TMTC2: variants seen among roughly 807,000 people sequenced by gnomAD.
TMTC2 encodes the protein protein O-mannosyl-transferase TMTC2.
TMTC2 carries 43 observed loss-of-function variants against 82.4 expected under a neutral mutation model. The ratio of observed to expected loss-of-function variants is 0.52; its 90% CI spans 0.41 to 0.67. The LOEUF (loss-of-function observed/expected upper bound fraction) is 0.67, where lower values mean the gene tolerates loss of function less well. Among genes scored for constraint, TMTC2 ranks in the 30% least tolerant of loss-of-function variants. The pLI is 0.00. For missense variants in TMTC2, 919 were observed against 1,012.4 expected (o/e 0.91, Z 1.25); for synonymous variants, 408 against 381.9 (o/e 1.07, Z -0.80).
At chr12:82,759,037 AAG>A (rs1212238924) in intron 1 of TMTC2, 3 of 152,200 alleles carry the variant, frequency 2.0e-5, no homozygotes, top group Admixed American at 6.5e-5. Context: ...GTTAAAAAAA[AAG>A]AGATGACAGT....
At position 82,705,367 on chromosome 12, in the gene TMTC2, T is replaced by C. The variant is rs533516302; in HGVS notation, c.83+17698T>C. Among the ~76,000 whole-genome samples, 8 of 152,324 alleles carry C rather than the reference T, an allele frequency of 5.3e-5. No homozygotes were observed. In the East Asian group the frequency reaches 1.5e-3, roughly 29 times the overall value. On this transcript the variant is annotated intron_variant, in intron 1 of 11. Transcript: ENST00000321196. ...ATTCAAAAAAAGAAAATTGTCCTTA[T>C]ATACATGTCAGACAAAAGATTTAAT...
At chr12:83,064,872 C>A (rs1882863641) in intron 11 of TMTC2, among the ~76,000 whole-genome samples, 1 of 151,886 alleles carries the variant, frequency 6.6e-6, no homozygotes, top group African/African-American at 2.4e-5. Context: ...TATTTCTCTG[C>A]TTTTAACTTA....
intron 2 of TMTC2, among the ~76,000 whole-genome samples, chr12:82,877,607 C>A (rs1872645599): frequency 6.6e-6 from 1 of 152,190 alleles, no homozygotes; most frequent in Admixed American, 6.5e-5. Context: ...CCTCCCCTTA[C>A]CTGTCCCTCT....
intron 8 of TMTC2, among the ~76,000 whole-genome samples, chr12:82,990,404 T>A (rs577784421): frequency 2.8e-4 from 43 of 152,298 alleles, no homozygotes; most frequent in Non-Finnish European, 5.9e-4. Context: ...TTTAGAAAAG[T>A]TCAAACGGAT....
chr12:82,755,740 A>T (rs1002468565), intron 1 of TMTC2, among the ~76,000 whole-genome samples: 4 of 152,308 alleles, frequency 2.6e-5, no homozygotes, highest in African/African-American at 9.6e-5. Context: ...CTTGTAACTG[A>T]AATAGACCTG....
In TMTC2 at chr12:83,045,726, C is replaced by CACACACACACACACACACACACACCA; in HGVS notation, c.2153-5178_2153-5177insACACACACACACACACACACACACCA. ...GCTCCTTCACACACACACACACACA[C>CACACACACACACACACACACACACCA]GCACACACACACACACACACACACA... On this transcript the variant is annotated intron_variant, in intron 9 of 11. Coordinates refer to ENST00000321196, the MANE Select transcript of TMTC2 (RefSeq NM_152588.3). 5.8e-3 allele frequency among the ~76,000 whole-genome samples: 448 copies of CACACACACACACACACACACACACCA among 77,502 alleles called. 5 individuals carry two copies. Among genetic ancestry groups the CACACACACACACACACACACACACCA allele is most frequent in the African/African-American group, 0.015 (405 of 26,336 alleles). The allele number at this position is 77,502 out of a possible 152,430, so 50.8% of individuals were successfully genotyped here. A position where few individuals can be genotyped will look rare whatever the true frequency, so the allele number is the denominator to read the frequency against.
intron 2 of TMTC2, among the ~76,000 whole-genome samples, chr12:82,871,711 G>A (rs1872189003): frequency 7.1e-6 from 1 of 141,692 alleles, no homozygotes; most frequent in African/African-American, 2.8e-5. Flanking sequence ...GTGTGTGTGT[G>A]TGTGTGTGTT....
chr12:82,811,706 T>C (rs1211232894), intron 1 of TMTC2, among the ~76,000 whole-genome samples: 1 of 151,780 alleles, frequency 6.6e-6, no homozygotes, highest in Admixed American at 6.6e-5. Flanking sequence ...CCGTTTATAC[T>C]ATGAAAAGTA....
At chr12:82,999,686 A>G (rs1160381517) in intron 8 of TMTC2, among the ~76,000 whole-genome samples, 1 of 152,186 alleles carries the variant, frequency 6.6e-6, no homozygotes, top group Non-Finnish European at 1.5e-5. Flanking sequence ...ATCATATCTC[A>G]TGAGACTTAC....
intron 1 of TMTC2, among the ~76,000 whole-genome samples, chr12:82,753,868 A>T (rs1241194454): frequency 1.3e-5 from 2 of 152,224 alleles, no homozygotes; most frequent in Non-Finnish European, 2.9e-5. Flanking sequence ...TACAGGTAAA[A>T]ATAAAGCGTA....
chr12:82,792,780 T>C (rs1172086229), intron 1 of TMTC2, among the ~76,000 whole-genome samples: 1 of 152,118 alleles, frequency 6.6e-6, no homozygotes, highest in Non-Finnish European at 1.5e-5. Context: ...CTCTCGATGT[T>C]ACTTTACATT....
chr12:83,106,832 A>T (rs974258635), intron 11 of TMTC2, among the ~76,000 whole-genome samples: 1 of 152,250 alleles, frequency 6.6e-6, no homozygotes, highest in Non-Finnish European at 1.5e-5. Context: ...CTTTTTAGAT[A>T]ATCAAAAACT....
intron 8 of TMTC2, among the ~76,000 whole-genome samples, chr12:83,005,206 TAAAAA>T (rs59772281): frequency 1.9e-4 from 7 of 36,362 alleles, no homozygotes; most frequent in African/African-American, 2.5e-4. Flanking sequence ...TTTGTCTTAT[TAAAAA>T]AAAAAAAAAA....
At chr12:82,998,272 T>C (rs1296005559) in intron 8 of TMTC2, among the ~76,000 whole-genome samples, 2 of 152,150 alleles carry the variant, frequency 1.3e-5, no homozygotes, top group African/African-American at 4.8e-5. Flanking sequence ...GAAATCAGCA[T>C]GGAAGTGCCA....
chr12:82,901,282 TAA>T (rs1874000373), intron 3 of TMTC2, among the ~76,000 whole-genome samples: 1 of 134,852 alleles, frequency 7.4e-6, no homozygotes, highest in South Asian at 2.3e-4. Flanking sequence ...ATAGAGAGAG[TAA>T]TATATATATA....
intron 2 of TMTC2, among the ~76,000 whole-genome samples, chr12:82,869,350 G>A (rs1872047512): frequency 6.6e-6 from 1 of 152,110 alleles, no homozygotes; most frequent in African/African-American, 2.4e-5. Context: ...GGTGGCAGGA[G>A]GGAGACATTT....
At chr12:83,112,212 A>T (rs1479738076) in intron 11 of TMTC2, among the ~76,000 whole-genome samples, 1 of 151,990 alleles carries the variant, frequency 6.6e-6, no homozygotes, top group Non-Finnish European at 1.5e-5. Flanking sequence ...CTATTTATTT[A>T]TTCTATAGTA....
intron 9 of TMTC2, among the ~76,000 whole-genome samples, chr12:83,038,739 G>C (rs1881770131): frequency 6.6e-6 from 1 of 152,100 alleles, no homozygotes; most frequent in Admixed American, 6.6e-5. Flanking sequence ...TATGTCATTA[G>C]AAAGCAAAAC....
intron 1 of TMTC2, among the ~76,000 whole-genome samples, chr12:82,801,254 G>A (rs974180621): frequency 1.3e-5 from 2 of 152,014 alleles, no homozygotes; most frequent in African/African-American, 4.8e-5. Context: ...CGGTGTGTCC[G>A]GAGTTTGTTC....
Sources: allele counts gnomAD v4.1 joint callset (sites outside exome capture counted in the v4.1 genomes callset), GRCh38; gene constraint gnomAD v4.1.1; transcripts MANE v1.5; gene names NCBI Gene and HGNC (gene_info 2026-07-23, HGNC 2026-07-21).